Variants in SNX31 observed in about 807,000 individuals in gnomAD.
SNX31 encodes the protein sorting nexin 31.
Under a neutral mutation model 65.4 loss-of-function variants are expected in SNX31, and 58 were observed. That is an observed-to-expected ratio of 0.89 (90% CI 0.72 to 1.10). SNX31 has a LOEUF of 1.10. Ranked by LOEUF, SNX31 falls within the 50% of genes least tolerant of loss-of-function variation. SNX31 has a pLI of 0.00. For synonymous variants in SNX31, 181 were observed against 190.1 expected, an observed-to-expected ratio of 0.95 and a Z score of 0.39; for missense variants, 523 against 529.7, an observed-to-expected ratio of 0.99 and a Z score of 0.12.
Position 100,573,739 on chromosome 8 carries a change from T to C in SNX31, c.*126A>G. The C allele has an allele frequency of 3.4e-6, 2 of 580,760 alleles. No individual in the cohort carries two copies. The highest frequency in any genetic ancestry group is 6.0e-6 in the Non-Finnish European group (2 of 333,128). 36.0% of individuals were successfully genotyped at this position (580,760 alleles called of 1,614,324 possible). On this transcript the variant is annotated 3_prime_UTR_variant, in exon 14 of 14. Coordinates refer to ENST00000311812, the MANE Select transcript of SNX31 (RefSeq NM_152628.4). ...ATACCTTGATGAATACAGTCCATGT[T>C]AATGCCAAAAAAATGGGAAGAGGTC...
chr8:100,641,597 CACAT>C (rs1466276258), intron 2 of SNX31, among the ~76,000 whole-genome samples: 16 of 15,922 alleles, frequency 1.0e-3, no homozygotes, highest in African/African-American at 5.1e-3. Flanking sequence ...TATATATATA[CACAT>C]ACACACACAC....
chr8:100,641,606 A>T (rs1245414726), intron 2 of SNX31, among the ~76,000 whole-genome samples: 2 of 55,138 alleles, frequency 3.6e-5, no homozygotes, highest in African/African-American at 7.9e-5. Context: ...ACACATACAC[A>T]CACACACGCA....
Position 100,630,382 on chromosome 8 carries a change from T to A in SNX31, c.266A>T (p.Asp89Val), listed in dbSNP as rs1398514751. 5.0e-6 allele frequency: 8 copies of A among 1,612,234 alleles called. No homozygotes were observed. Among genetic ancestry groups the A allele is most frequent in the Non-Finnish European group, 6.8e-6 (8 of 1,179,470 alleles). ...LEQYLQNVTM[D>V]PNVLRSDVFV... ...GACATCACTTCTCAACACGTTTGGG[T>A]CCATGGTTACTGAAAAACATGGACG... The change falls in exon 4 of 14, where the codon GAC becomes GTC. Residue 89 changes from aspartate to valine, a missense_variant. Physicochemically the swap from Asp to Val is radical, Grantham distance 152 (BLOSUM62 -3). Transcript: ENST00000311812. This position sits in a 1 kb window ranked among gnomAD's most constrained non-coding sequence, Gnocchi z 5.3.
chr8:100,596,552 C>A, intron 10 of SNX31, 87 bp downstream of exon 10: 1 of 1,132,368 alleles, frequency 8.8e-7, no homozygotes, highest in Non-Finnish European at 1.3e-6. Context: ...ATTCAAATGG[C>A]AAACCTGTCT....
chr8:100,628,483 C>T (rs534770564), intron 4 of SNX31, among the ~76,000 whole-genome samples: 10 of 151,698 alleles, frequency 6.6e-5, no homozygotes, highest in African/African-American at 1.5e-4. Flanking sequence ...AGCAAACTAT[C>T]GCAAGGACAA....
chr8:100,582,536 T>C (rs575474138), intron 12 of SNX31: 2 of 152,264 alleles, frequency 1.3e-5, no homozygotes, highest in East Asian at 3.9e-4. Context: ...TTATTTTCCC[T>C]GGAAAAGGTA....
upstream of SNX31, among the ~76,000 whole-genome samples, chr8:100,653,688 G>A (rs905722012): frequency 5.9e-5 from 9 of 152,222 alleles, no homozygotes; most frequent in Non-Finnish European, 8.8e-5. Flanking sequence ...TTCTGTGGTC[G>A]TAAGCCACCC....
rs1728515706 is a variant in SNX31, at chr8:100,578,730, T to C, written c.1171-1655A>G. Among the ~76,000 whole-genome samples the C allele has an allele frequency of 6.7e-6, 1 of 149,134 alleles. No homozygotes were observed. Among genetic ancestry groups the C allele is most frequent in the South Asian group, 2.1e-4 (1 of 4,750 alleles). ...TTTTATTTTATTTTATTTTATTTTATTATTATTTTGAGACAGAGTCTCGCT... is the reference window on the plus strand; with the variant it reads ...TTTTATTTTATTTTATTTTATTTTACTATTATTTTGAGACAGAGTCTCGCT... On this transcript the variant is annotated intron_variant, in intron 12 of 13. Transcript: ENST00000311812. The surrounding 1 kb of genome is among the most constrained non-coding windows in gnomAD (Gnocchi z 4.7).
At position 100,649,587 on chromosome 8, in the gene SNX31, G is replaced by A. The variant is rs1215371739; in HGVS notation, c.-73C>T. On this transcript the variant is annotated 5_prime_UTR_variant, in exon 1 of 14. Coordinates refer to ENST00000311812, the MANE Select transcript of SNX31 (RefSeq NM_152628.4). ...GCGGGCGGTGCGCGGCTCTGAACTC[G>A]GCAGCGGTGGACGCAGCGCGGCCTG... 2.2e-5 allele frequency: 31 copies of A among 1,410,054 alleles called. No individual in the cohort carries two copies. The highest frequency in any genetic ancestry group is 2.7e-5 in the Non-Finnish European group (28 of 1,027,956). The allele number at this position is 1,410,054 out of a possible 1,614,324, so 87.3% of individuals were successfully genotyped here.
At chr8:100,592,045 G>A (rs1814635059) in intron 10 of SNX31, among the ~76,000 whole-genome samples, 1 of 152,252 alleles carries the variant, frequency 6.6e-6, no homozygotes, top group East Asian at 1.9e-4. Flanking sequence ...CATACTCAAT[G>A]TCAGGTGATA....
chr8:100,651,375 A>G (rs886292846), upstream of SNX31, among the ~76,000 whole-genome samples: 1 of 152,190 alleles, frequency 6.6e-6, no homozygotes, highest in African/African-American at 2.4e-5. Context: ...GGCAAAGCAG[A>G]GCATTTTGGT....
chr8:100,643,170 G>A (rs1819384015), intron 2 of SNX31, among the ~76,000 whole-genome samples: 1 of 151,234 alleles, frequency 6.6e-6, no homozygotes, highest in African/African-American at 2.4e-5. Context: ...TGCAGCTTAG[G>A]TGAAAGAGCG....
At chr8:100,598,001 A>C (rs1815269989) in intron 9 of SNX31, among the ~76,000 whole-genome samples, 1 of 152,244 alleles carries the variant, frequency 6.6e-6, no homozygotes, top group Non-Finnish European at 1.5e-5. Context: ...AATCAGAAAG[A>C]GGACTACCTA....
intron 7 of SNX31, among the ~76,000 whole-genome samples, 160 bp downstream of exon 7, chr8:100,611,840 G>A (rs973391059): frequency 2.0e-5 from 3 of 152,192 alleles, no homozygotes; most frequent in Non-Finnish European, 4.4e-5. Context: ...ATAGGCATAA[G>A]CCACAGCACC....
intron 10 of SNX31, among the ~76,000 whole-genome samples, chr8:100,590,605 C>T (rs1203121369): frequency 6.6e-6 from 1 of 151,988 alleles, no homozygotes; most frequent in Non-Finnish European, 1.5e-5. Context: ...ATGGTAAAAC[C>T]CCATCTCTAC....
rs1283044272 is a variant in SNX31, at chr8:100,611,995, C to G, written c.611+5G>C. On this transcript the variant is annotated splice_donor_5th_base_variant and intron_variant, in intron 7 of 13. Transcript: ENST00000311812. Reference sequence around the variant, plus strand: ...ACGCCTCTGTCACTTTCAGAACCTACTTACCACTTTCGGAGTCCAACCTTA... The same window carrying G: ...ACGCCTCTGTCACTTTCAGAACCTAGTTACCACTTTCGGAGTCCAACCTTA... 6.2e-7 allele frequency: 1 copy of G among 1,612,784 alleles called. No individual in the cohort carries two copies. The highest frequency in any genetic ancestry group is 8.5e-7 in the Non-Finnish European group (1 of 1,178,782).
chr8:100,619,738 C>T (rs1285801442), intron 4 of SNX31: 1 of 152,246 alleles, frequency 6.6e-6, no homozygotes, highest in African/African-American at 2.4e-5. Flanking sequence ...CTTTCTCATC[C>T]CAGATTCCCT....
intron 12 of SNX31, among the ~76,000 whole-genome samples, chr8:100,580,930 T>C (rs1399557834): frequency 2.6e-5 from 4 of 152,162 alleles, no homozygotes; most frequent in Non-Finnish European, 4.4e-5. Flanking sequence ...GGAAATTGAT[T>C]CAGGCTTTTG....
chr8:100,603,737 C>T lies in SNX31; in HGVS notation c.682-3296G>A, dbSNP rs138593166. On this transcript the variant is annotated intron_variant, in intron 8 of 13. Coordinates refer to ENST00000311812, the MANE Select transcript of SNX31 (RefSeq NM_152628.4). ...CTGGGATTACAGGCATGAACCACCA[C>T]ACCCGGCCTTTTTTTTTTTTGAGAC... is the stretch of plus-strand genomic sequence containing the variant. Among the ~76,000 whole-genome samples the T allele has an allele frequency of 2.7e-5, 4 of 149,312 alleles. No individual in the cohort carries two copies. In the East Asian group the frequency reaches 7.9e-4, roughly 29 times the overall value.
Sources: gnomAD v4.1 joint callset for allele counts (sites outside exome capture counted in the v4.1 genomes callset) on GRCh38, gnomAD v4.1.1 for gene constraint, Gnocchi (gnomAD v3.1) non-coding constraint, MANE v1.5 for transcripts, NCBI Gene and HGNC (gene_info 2026-07-23, HGNC 2026-07-21) for gene names.